Variants in SASH1 observed in about 807,000 individuals in gnomAD.
SASH1 encodes SAM and SH3 domain containing 1, also known as SAM and SH3 domain-containing protein 1.
A neutral mutation model predicts 125.2 loss-of-function variants in SASH1; 44 were observed. The ratio of observed to expected loss-of-function variants is 0.35; its 90% CI spans 0.28 to 0.45. SASH1 has a LOEUF of 0.45. Ranked by LOEUF, SASH1 falls within the 20% of genes least tolerant of loss-of-function variation. SASH1 has a pLI of 1.00. For synonymous variants in SASH1, 639 were observed against 649.1 expected (o/e 0.98, Z 0.24); for missense variants, 1,426 against 1,614.5 (o/e 0.88, Z 2.00).
chr6:148,268,058 T>G (rs1582898513), upstream of SASH1, among the ~76,000 whole-genome samples: 3 of 152,236 alleles, frequency 2.0e-5, no homozygotes, highest in Non-Finnish European at 4.4e-5. Context: ...TATTCCTCTG[T>G]GCTGGAATCA....
chr6:148,415,281 G>T (rs1784780183), intron 2 of SASH1, among the ~76,000 whole-genome samples: 1 of 152,064 alleles, frequency 6.6e-6, no homozygotes, highest in African/African-American at 2.4e-5. Context: ...CTCTAAAGGG[G>T]CCTGGGCACT....
At chr6:148,536,483 G>A (rs979490956) in intron 16 of SASH1, among the ~76,000 whole-genome samples, 4 of 152,172 alleles carry the variant, frequency 2.6e-5, no homozygotes, top group Admixed American at 1.3e-4. Context: ...GGGATTACAG[G>A]CATGCACCAC....
At chr6:148,378,530 T>C (rs528047628) in intron 1 of SASH1, among the ~76,000 whole-genome samples, 64 of 152,302 alleles carry the variant, frequency 4.2e-4, no homozygotes, top group Non-Finnish European at 8.2e-4. Context: ...AATTTTTATA[T>C]ATTTTTCTTG....
intron 2 of SASH1, among the ~76,000 whole-genome samples, chr6:148,410,803 C>T (rs929158223): frequency 1.3e-5 from 2 of 152,072 alleles, no homozygotes; most frequent in South Asian, 2.1e-4. Flanking sequence ...TGAACTAACA[C>T]GCTGTAGTGC....
rs534330610 is a variant in SASH1 at position 148,508,467 on chromosome 6, G to A, written c.730-5857G>A. The A allele has an allele frequency of 2.7e-5, 27 of 1,001,014 alleles. No individual in the cohort carries two copies. In the African/African-American group the frequency reaches 4.5e-4, roughly 17 times the overall value. The allele number at this position is 1,001,014 out of a possible 1,614,324, so 62.0% of individuals were successfully genotyped here. On this transcript the variant is annotated intron_variant, in intron 8 of 19. Coordinates refer to ENST00000367467, the MANE Select transcript of SASH1 (RefSeq NM_015278.5). ...TTCCATAGACAGTAATTAAGGAACT[G>A]GAGGCCAGCAGGAGGTCAGGGAGCC...
At chr6:148,301,209 C>T (rs1471828137) in intron 1 of SASH1, among the ~76,000 whole-genome samples, 1 of 151,118 alleles carries the variant, frequency 6.6e-6, no homozygotes, top group African/African-American at 2.4e-5. Flanking sequence ...GCCTGTAATC[C>T]CAGCTACTCA....
chr6:148,322,923 TTCTC>T lies in SASH1; in HGVS notation n.74+50550_74+50553del, dbSNP rs746565967. 2.5e-4 allele frequency among the ~76,000 whole-genome samples: 37 copies of T among 146,754 alleles called. 1 individual carries two copies. Among genetic ancestry groups the T allele is most frequent in the Non-Finnish European group, 4.7e-4 (31 of 66,366 alleles). ...TTCTCTCTCTTTCTTTCTTTTTTCTTTCTCTCTTTCTTTTCCTTCCTTCCTTCCT... is the reference window on the plus strand; with the variant it reads ...TTCTCTCTCTTTCTTTCTTTTTTCTTTCTTTCTTTTCCTTCCTTCCTTCCT... On this transcript the variant is annotated intron_variant and non_coding_transcript_variant, in intron 1 of 3. Transcript: ENST00000367469.
At chr6:148,385,994 G>A (rs960782505) in intron 1 of SASH1, among the ~76,000 whole-genome samples, 9 of 152,246 alleles carry the variant, frequency 5.9e-5, no homozygotes, top group African/African-American at 2.2e-4. Flanking sequence ...ACAACCTGGA[G>A]CTTGCTTCTG....
At chr6:148,436,088 T>C (rs377199940) in intron 2 of SASH1, among the ~76,000 whole-genome samples, 6 of 152,180 alleles carry the variant, frequency 3.9e-5, no homozygotes, top group African/African-American at 1.2e-4. Flanking sequence ...TTCCCAAAGC[T>C]GGCCACAGCG....
At chr6:148,364,516 G>A (rs144405956) in intron 1 of SASH1, among the ~76,000 whole-genome samples, 4 of 152,112 alleles carry the variant, frequency 2.6e-5, no homozygotes, top group African/African-American at 9.6e-5. Context: ...CTAATGTAGG[G>A]TGGAAGTTGA....
At chr6:148,402,168 T>G (rs1289594650) in intron 2 of SASH1, among the ~76,000 whole-genome samples, 1 of 152,220 alleles carries the variant, frequency 6.6e-6, no homozygotes, top group Admixed American at 6.5e-5. Context: ...GATCATCAGT[T>G]TCACTTCACA....
chr6:148,231,247 C>T, the SASH1 span, among the ~76,000 whole-genome samples: 6 of 152,212 alleles, frequency 3.9e-5, 1 homozygote, highest in Non-Finnish European at 8.8e-5. Flanking sequence ...TCTTTACTCA[C>T]TTAATTGTTC....
intron 1 of SASH1, among the ~76,000 whole-genome samples, chr6:148,320,031 C>T (rs998321629): frequency 2.6e-5 from 4 of 152,186 alleles, no homozygotes; most frequent in African/African-American, 9.7e-5. Flanking sequence ...CCCCAAAGTA[C>T]AAGAGCAGTG....
chr6:148,198,228 T>G, the SASH1 span, among the ~76,000 whole-genome samples: 1 of 152,210 alleles, frequency 6.6e-6, no homozygotes, highest in Non-Finnish European at 1.5e-5. Context: ...TGCCTCTCCT[T>G]TGCCTTCCGC....
chr6:148,519,628 T>C lies in SASH1; in HGVS notation c.944T>C (p.Leu315Pro). Residue 315 changes from leucine (L) to proline (P), a missense_variant, in exon 10 of 20, where the codon CTT (leucine) becomes CCT (proline). Transcript: ENST00000367467. The surrounding 1 kb of genome is among the most constrained non-coding windows in gnomAD (Gnocchi z 4.8). ...ALYSGVHKKP[L>P]FFDGSPEKPP... ...TACTCTGGCGTGCACAAGAAGCCCC[T>C]TTTCTTTGATGGCTCTCCTGAGAAA... is the stretch of plus-strand genomic sequence containing the variant. 6.2e-7 allele frequency: 1 copy of C among 1,614,138 alleles called. No individual in the cohort carries two copies. Among genetic ancestry groups the C allele is most frequent in the African/African-American group, 1.3e-5 (1 of 75,028 alleles).
chr6:148,519,399 A>G lies in SASH1; in HGVS notation c.863-148A>G, dbSNP rs1780657563. On this transcript the variant is annotated intron_variant, in intron 9 of 19. Transcript: ENST00000367467. This position sits in a 1 kb window ranked among gnomAD's most constrained non-coding sequence, Gnocchi z 4.8. ...CTCATGTGAAACCATGTATTTGCACAGTGTATTTTCATTTTTCTGTACATA... is the reference window on the plus strand; with the variant it reads ...CTCATGTGAAACCATGTATTTGCACGGTGTATTTTCATTTTTCTGTACATA... 2 of 620,302 alleles carry G rather than the reference A, an allele frequency of 3.2e-6. No homozygotes were observed. Among genetic ancestry groups the G allele is most frequent in the Admixed American group, 5.9e-5 (2 of 34,018 alleles). 38.4% of individuals were successfully genotyped at this position (620,302 alleles called of 1,614,324 possible).
the SASH1 span, among the ~76,000 whole-genome samples, chr6:148,224,949 C>CA: frequency 2.0e-5 from 3 of 152,170 alleles, no homozygotes. Context: ...ATCGTGGCTC[C>CA]ACAGCTTCCT....
chr6:148,546,616 A>C (rs955718962), intron 19 of SASH1, among the ~76,000 whole-genome samples: 23 of 152,348 alleles, frequency 1.5e-4, no homozygotes, highest in Non-Finnish European at 2.4e-4. Flanking sequence ...ATACTTGAAA[A>C]TTGCTAGGAC....
At chr6:148,346,823 A>C (rs1016413155) in intron 1 of SASH1, among the ~76,000 whole-genome samples, 2 of 152,230 alleles carry the variant, frequency 1.3e-5, no homozygotes, top group African/African-American at 4.8e-5. Context: ...CAACATGTTT[A>C]TAAGCCCTGA....
Sources: allele counts gnomAD v4.1 joint callset (sites outside exome capture counted in the v4.1 genomes callset), GRCh38; gene constraint gnomAD v4.1.1; non-coding constraint Gnocchi (gnomAD v3.1); transcripts MANE v1.5; gene names NCBI Gene and HGNC (gene_info 2026-07-23, HGNC 2026-07-21).